Variants in NEDD4 observed in about 807,000 individuals in gnomAD.
NEDD4 encodes the protein NEDD4 E3 ubiquitin protein ligase, also known as E3 ubiquitin-protein ligase NEDD4.
In NEDD4, 99 loss-of-function variants were observed where a neutral mutation model predicts 144.9. The ratio of observed to expected loss-of-function variants is 0.68; its 90% confidence interval spans 0.58 to 0.81. The LOEUF (loss-of-function observed/expected upper bound fraction) is 0.81, where lower values mean the gene tolerates loss of function less well. Ranked by LOEUF, NEDD4 falls within the 30% of genes least tolerant of loss-of-function variation. NEDD4 has a pLI of 0.00. For missense variants in NEDD4, 985 were observed against 1,065.9 expected, an observed-to-expected ratio of 0.92 and a Z score of 1.06; for synonymous variants, 318 against 350.6, an observed-to-expected ratio of 0.91 and a Z score of 1.04.
At chr15:55,836,639 C>T (rs2033214134) in intron 24 of NEDD4, among the ~76,000 whole-genome samples, 1 of 152,170 alleles carries the variant, frequency 6.6e-6, no homozygotes, top group South Asian at 2.1e-4. Context: ...AATTCCCCTG[C>T]CTCAGCCTCC....
At chr15:55,885,738 T>G (rs1199612742) in intron 5 of NEDD4, among the ~76,000 whole-genome samples, 1 of 151,278 alleles carries the variant, frequency 6.6e-6, no homozygotes, top group Admixed American at 6.6e-5. Context: ...TACCACCAGA[T>G]AAAATCACCT....
At chr15:55,889,187 C>T (rs1006976956) in intron 5 of NEDD4, among the ~76,000 whole-genome samples, 8 of 152,186 alleles carry the variant, frequency 5.3e-5, no homozygotes, top group Admixed American at 5.2e-4. Flanking sequence ...GAAAATAGAA[C>T]GACCATATAA....
At chr15:55,920,229 A>G (rs1566952487) in intron 5 of NEDD4, among the ~76,000 whole-genome samples, 3 of 151,276 alleles carry the variant, frequency 2.0e-5, no homozygotes, top group Non-Finnish European at 4.4e-5. Context: ...CATATATAAA[A>G]TATATGAAAA....
chr15:55,923,725 A>T (rs2036612799), intron 5 of NEDD4, among the ~76,000 whole-genome samples: 1 of 151,530 alleles, frequency 6.6e-6, no homozygotes, highest in South Asian at 2.1e-4. Context: ...TTTGCTTAGT[A>T]TGATGTTTAT....
chr15:55,963,050 G>C (rs1409726892), intron 2 of NEDD4, among the ~76,000 whole-genome samples: 1 of 151,852 alleles, frequency 6.6e-6, no homozygotes, highest in Non-Finnish European at 1.5e-5. Context: ...CTCCCTAAGT[G>C]CTAGGATTAC....
At chr15:55,864,194 G>A (rs1248554448) in intron 8 of NEDD4, among the ~76,000 whole-genome samples, 15 of 152,088 alleles carry the variant, frequency 9.9e-5, no homozygotes, top group Admixed American at 9.8e-4. Context: ...TGATTGGTTA[G>A]GAAAGCATTA....
chr15:55,906,346 A>G lies in NEDD4; in HGVS notation c.291+18300T>C, dbSNP rs530192352. On this transcript the variant is annotated intron_variant, in intron 5 of 28. Coordinates refer to ENST00000435532, the MANE Select transcript of NEDD4 (RefSeq NM_006154.4). ...ACACATGGACACGTATGTTTATTGC[A>G]GCACTATTCACAATAGCAAAGACTT... 3.3e-3 allele frequency among the ~76,000 whole-genome samples: 507 copies of G among 152,122 alleles called. 1 individual carries two copies. Among genetic ancestry groups the G allele is most frequent in the Non-Finnish European group, 4.2e-3 (285 of 68,024 alleles).
Position 55,895,792 on chromosome 15 carries a change from G to A in NEDD4, c.292-21784C>T, listed in dbSNP as rs532801896. Among the ~76,000 whole-genome samples, 18 of 152,308 alleles carry A rather than the reference G, an allele frequency of 1.2e-4. No individual in the cohort carries two copies. In the South Asian group the frequency reaches 3.3e-3, roughly 28 times the overall value. On this transcript the variant is annotated intron_variant, in intron 5 of 28. Coordinates refer to ENST00000435532, the MANE Select transcript of NEDD4 (RefSeq NM_006154.4). Reference sequence around the variant, plus strand: ...TGAGCAATGATTGTTAATAGCTGAAGATAAATGAGCAGGCCATCTAACGCT... The same window carrying A: ...TGAGCAATGATTGTTAATAGCTGAAAATAAATGAGCAGGCCATCTAACGCT...
chr15:55,986,734 C>G (rs1177566847), intron 1 of NEDD4, among the ~76,000 whole-genome samples: 1 of 149,906 alleles, frequency 6.7e-6, no homozygotes, highest in African/African-American at 2.5e-5. Context: ...GGACTACAGG[C>G]ACCCACCACC....
rs548362029 is a variant in NEDD4, at chr15:55,828,793, G to A, written c.*1104C>T. On this transcript the variant is annotated 3_prime_UTR_variant, in exon 29 of 29. Transcript: ENST00000435532. ...CTTCATAGTAAACAGTATTTTAAAA[G>A]GCATAAGAAATAGTAATAAATTTAA... 6.6e-6 allele frequency: 1 copy of A among 152,600 alleles called. No individual in the cohort carries two copies. Among genetic ancestry groups the A allele is most frequent in the South Asian group, 2.1e-4 (1 of 4,816 alleles). 9.5% of individuals were successfully genotyped at this position (152,600 alleles called of 1,614,324 possible).
chr15:55,916,830 A>C, intron 5 of NEDD4: 1 of 1,586,200 alleles, frequency 6.3e-7, no homozygotes, highest in Non-Finnish European at 8.6e-7. Flanking sequence ...GCTTTGTGCC[A>C]TTTGTTCTCA....
intron 11 of NEDD4, among the ~76,000 whole-genome samples, chr15:55,857,184 G>C (rs1290431555): frequency 6.6e-6 from 1 of 152,130 alleles, no homozygotes; most frequent in Non-Finnish European, 1.5e-5. Flanking sequence ...GCATGTTTAT[G>C]AATATACAGA....
At chr15:55,909,513 T>C (rs748884997) in intron 5 of NEDD4, among the ~76,000 whole-genome samples, 1 of 152,234 alleles carries the variant, frequency 6.6e-6, no homozygotes, top group Non-Finnish European at 1.5e-5. Flanking sequence ...CTTTGGATTA[T>C]TTCCAGGGTA....
In NEDD4 at chr15:55,919,446, A is replaced by G. The variant is rs142861794; in HGVS notation, c.291+5200T>C. Among the ~76,000 whole-genome samples the G allele has an allele frequency of 6.4e-3, 972 of 152,236 alleles. 19 individuals carry two copies. The highest frequency in any genetic ancestry group is 0.022 in the African/African-American group (909 of 41,552). On this transcript the variant is annotated intron_variant, in intron 5 of 28. Transcript: ENST00000435532. ...AAGAGAATCACATGCACTTCCTAGC[A>G]CTCTAGTCTGAGTTTAAATTCTAGG...
chr15:55,914,044 C>T (rs971302406), intron 5 of NEDD4, among the ~76,000 whole-genome samples: 2 of 151,766 alleles, frequency 1.3e-5, no homozygotes, highest in African/African-American at 4.8e-5. Context: ...AATTATAGAT[C>T]AGAATTTGAA....
At chr15:55,983,217 C>CA (rs1185325224) in intron 1 of NEDD4, among the ~76,000 whole-genome samples, 1 of 152,058 alleles carries the variant, frequency 6.6e-6, no homozygotes, top group Non-Finnish European at 1.5e-5. Flanking sequence ...AAATAACTAG[C>CA]AAACAAATGT....
chr15:55,962,443 GT>G (rs1393758017), intron 2 of NEDD4, among the ~76,000 whole-genome samples: 5 of 151,924 alleles, frequency 3.3e-5, no homozygotes, highest in Non-Finnish European at 7.4e-5. Context: ...CCTTTACGTT[GT>G]TTTTTTGTTT....
chr15:55,871,094 T>C (rs1912405), intron 7 of NEDD4, among the ~76,000 whole-genome samples: 2 of 151,944 alleles, frequency 1.3e-5, no homozygotes, highest in South Asian at 2.1e-4. Context: ...TTGGCAAATT[T>C]AGTGTATCCT....
intron 9 of NEDD4, 108 bp from the exon 10 acceptor site, chr15:55,860,886 A>ATTTT: frequency 1.1e-6 from 1 of 945,386 alleles, no homozygotes; most frequent in Non-Finnish European, 1.6e-6. Flanking sequence ...CAATAAAAAA[A>ATTTT]TTTATTGTCT....
Sources: gnomAD v4.1 joint callset for allele counts (sites outside exome capture counted in the v4.1 genomes callset) on GRCh38, gnomAD v4.1.1 for gene constraint, MANE v1.5 for transcripts, NCBI Gene and HGNC (gene_info 2026-07-23, HGNC 2026-07-21) for gene names.